The following PRR16 variants were observed in gnomAD, a reference collection of about 807,000 sequenced individuals.
PRR16 encodes the protein proline rich 16.
PRR16 carries 6 observed loss-of-function variants against 18.2 expected under a neutral mutation model. The ratio of observed to expected loss-of-function variants is 0.33; its 90% CI spans 0.18 to 0.65. The LOEUF (loss-of-function observed/expected upper bound fraction) is 0.65. Among genes scored for constraint, PRR16 ranks in the 30% least tolerant of loss-of-function variants. PRR16 has a pLI of 0.74. For synonymous variants in PRR16, 151 were observed against 147.8 expected (o/e 1.02, Z -0.16); for missense variants, 412 against 376.6 (o/e 1.09, Z -0.78).
chr5:120,722,352 C>T, the PRR16 span, among the ~76,000 whole-genome samples: 2 of 151,922 alleles, frequency 1.3e-5, no homozygotes, highest in Non-Finnish European at 2.9e-5. Context: ...ATACAGGAAT[C>T]TAAATATGGG....
chr5:120,727,504 C>A, the PRR16 span, among the ~76,000 whole-genome samples: 5 of 152,092 alleles, frequency 3.3e-5, no homozygotes, highest in African/African-American at 7.2e-5. Context: ...TTCTTTGCAA[C>A]CTTTCACCGA....
intron 1 of PRR16, among the ~76,000 whole-genome samples, chr5:120,568,573 C>T (rs1035587635): frequency 6.6e-6 from 1 of 152,144 alleles, no homozygotes; most frequent in Non-Finnish European, 1.5e-5. Context: ...ATCAAGGGAA[C>T]CCATTCTAAA....
chr5:120,713,049 A>G, the PRR16 span, among the ~76,000 whole-genome samples: 2 of 152,182 alleles, frequency 1.3e-5, no homozygotes, highest in African/African-American at 4.8e-5. Flanking sequence ...CAATAGCCAA[A>G]ATGTGAAAAC....
intron 1 of PRR16, among the ~76,000 whole-genome samples, chr5:120,503,678 GT>G (rs1329810799): frequency 6.6e-6 from 1 of 152,024 alleles, no homozygotes; most frequent in African/African-American, 2.4e-5. Context: ...TAGGGTACAT[GT>G]GCACAATGTG....
intron 1 of PRR16, among the ~76,000 whole-genome samples, chr5:120,672,533 G>GAT (rs1229747123): frequency 1.6e-5 from 1 of 60,846 alleles, no homozygotes; most frequent in African/African-American, 4.3e-5. Flanking sequence ...TTATGTTATA[G>GAT]ATATATATGT....
chr5:120,770,098 T>G, the PRR16 span, among the ~76,000 whole-genome samples: 1 of 151,948 alleles, frequency 6.6e-6, no homozygotes. Context: ...AAGAAAATCC[T>G]AAAATTCATG....
At chr5:120,503,830 C>T (rs1433299326) in intron 1 of PRR16, among the ~76,000 whole-genome samples, 1 of 151,176 alleles carries the variant, frequency 6.6e-6, no homozygotes, top group Non-Finnish European at 1.5e-5. Flanking sequence ...TGATGTTCCC[C>T]TTCCTGTGTC....
intron 1 of PRR16, among the ~76,000 whole-genome samples, chr5:120,652,345 C>A (rs546214648): frequency 1.4e-4 from 21 of 152,040 alleles, no homozygotes; most frequent in African/African-American, 4.6e-4. Flanking sequence ...ACTTTGGAGT[C>A]ATATAAGCTT....
intron 1 of PRR16, among the ~76,000 whole-genome samples, chr5:120,627,588 T>C (rs930681266): frequency 6.6e-6 from 1 of 152,086 alleles, no homozygotes; most frequent in Non-Finnish European, 1.5e-5. Flanking sequence ...TGTTCCTGAA[T>C]GCATCATTTT....
intron 1 of PRR16, among the ~76,000 whole-genome samples, chr5:120,536,603 A>G (rs776360880): frequency 1.4e-4 from 21 of 152,186 alleles, no homozygotes; most frequent in Non-Finnish European, 2.4e-4. Flanking sequence ...AAAGGATGGC[A>G]GTTTTGTTAT....
At chr5:120,531,256 A>T (rs1360957895) in intron 1 of PRR16, among the ~76,000 whole-genome samples, 1 of 152,120 alleles carries the variant, frequency 6.6e-6, no homozygotes, top group Admixed American at 6.6e-5. Context: ...ATAGGTTGCC[A>T]TATTTTCCTT....
intron 1 of PRR16, among the ~76,000 whole-genome samples, chr5:120,470,919 AAC>A (rs1226401092): frequency 1.3e-5 from 2 of 151,932 alleles, no homozygotes; most frequent in Non-Finnish European, 2.9e-5. Context: ...TTTTTTTTTT[AAC>A]ATTTTCTTAG....
intron 1 of PRR16, among the ~76,000 whole-genome samples, chr5:120,582,112 A>C (rs564767059): frequency 6.6e-6 from 1 of 152,330 alleles, no homozygotes; most frequent in South Asian, 2.1e-4. Context: ...AAAACACAGG[A>C]TACTATGCAG....
chr5:120,542,942 T>C (rs1439848924), intron 1 of PRR16, among the ~76,000 whole-genome samples: 1 of 152,222 alleles, frequency 6.6e-6, no homozygotes, highest in African/African-American at 2.4e-5. Context: ...TTTATTGCTG[T>C]GTTTTTAACT....
the PRR16 span, among the ~76,000 whole-genome samples, chr5:120,707,345 C>G: frequency 6.6e-6 from 1 of 152,138 alleles, no homozygotes; most frequent in Non-Finnish European, 1.5e-5. Context: ...CAATACACTT[C>G]AGGCTTACAA....
At chr5:120,700,273 C>G in the PRR16 span, among the ~76,000 whole-genome samples, 2 of 152,098 alleles carry the variant, frequency 1.3e-5, no homozygotes, top group East Asian at 1.9e-4. Context: ...AAAGGCCATG[C>G]TGTAGCAGGC....
At chr5:120,782,491 G>T in the PRR16 span, among the ~76,000 whole-genome samples, 1 of 152,126 alleles carries the variant, frequency 6.6e-6, no homozygotes, top group Non-Finnish European at 1.5e-5. Context: ...TCCCCTCGGG[G>T]TTGGTTCCAC....
intron 1 of PRR16, among the ~76,000 whole-genome samples, chr5:120,613,094 A>C (rs1003173071): frequency 1.3e-5 from 2 of 152,222 alleles, no homozygotes; most frequent in Non-Finnish European, 1.5e-5. Context: ...TTCAGCAGAA[A>C]TTGAAAAAAC....
At chr5:120,696,243 A>G in the PRR16 span, among the ~76,000 whole-genome samples, 1 of 152,154 alleles carries the variant, frequency 6.6e-6, no homozygotes, top group East Asian at 1.9e-4. Context: ...CTCCATCTCA[A>G]AAAACAAAAA....
Sources: allele counts gnomAD v4.1 joint callset (sites outside exome capture counted in the v4.1 genomes callset), GRCh38; gene constraint gnomAD v4.1.1; transcripts MANE v1.5; gene names NCBI Gene and HGNC (gene_info 2026-07-23, HGNC 2026-07-21).